MGMT: variants seen among roughly 807,000 people sequenced by gnomAD.
The protein encoded by MGMT is methylated-DNA--protein-cysteine methyltransferase.
In MGMT, 14 loss-of-function variants were observed where a neutral mutation model predicts 15.9. The ratio of observed to expected loss-of-function variants is 0.88; its 90% CI spans 0.58 to 1.37. MGMT has a LOEUF of 1.37. Ranked by LOEUF, MGMT falls within the 40% of genes most tolerant of loss-of-function variation. The pLI is 0.00. For missense variants in MGMT, 282 were observed against 268.1 expected (o/e 1.05, Z -0.36); for synonymous variants, 130 against 118.2 (o/e 1.10, Z -0.65).
intron 2 of MGMT, among the ~76,000 whole-genome samples, chr10:129,646,916 C>T (rs1168958825): frequency 3.3e-5 from 5 of 151,048 alleles, no homozygotes; most frequent in East Asian, 2.0e-4. Flanking sequence ...TGGGCATGGC[C>T]GCCCCTCCGT....
intron 1 of MGMT, among the ~76,000 whole-genome samples, chr10:129,511,473 G>C (rs1845683071): frequency 6.7e-6 from 1 of 149,996 alleles, no homozygotes; most frequent in African/African-American, 2.5e-5. Flanking sequence ...CCGTATACCA[G>C]ACGCAGCCAC....
intron 2 of MGMT, among the ~76,000 whole-genome samples, chr10:129,607,837 C>A (rs1340535246): frequency 6.6e-6 from 1 of 152,162 alleles, no homozygotes; most frequent in African/African-American, 2.4e-5. Flanking sequence ...GATGACAGGA[C>A]AATTCCATTT....
At chr10:129,712,798 A>G (rs1301917219) in intron 3 of MGMT, among the ~76,000 whole-genome samples, 1 of 152,124 alleles carries the variant, frequency 6.6e-6, no homozygotes, top group Non-Finnish European at 1.5e-5. Flanking sequence ...TGAAGAGCCA[A>G]GCAAAGGCTC....
chr10:129,700,274 T>C (rs1248094396), intron 2 of MGMT: 1 of 152,234 alleles, frequency 6.6e-6, no homozygotes, highest in African/African-American at 2.4e-5. Context: ...CCATGTTTCC[T>C]ATTACTAACA....
At chr10:129,616,298 G>C (rs991343310) in intron 2 of MGMT, among the ~76,000 whole-genome samples, 2 of 152,220 alleles carry the variant, frequency 1.3e-5, no homozygotes, top group African/African-American at 4.8e-5. Flanking sequence ...GATGCTCATC[G>C]TGAAGATGCA....
At chr10:129,473,019 G>A (rs1360656844) in intron 1 of MGMT, among the ~76,000 whole-genome samples, 1 of 152,190 alleles carries the variant, frequency 6.6e-6, no homozygotes, top group Non-Finnish European at 1.5e-5. Context: ...GGGCAGGTGG[G>A]CTTCATGTGT....
intron 1 of MGMT, among the ~76,000 whole-genome samples, chr10:129,535,901 A>C (rs560049848): frequency 6.6e-6 from 1 of 152,336 alleles, no homozygotes; most frequent in South Asian, 2.1e-4. Context: ...TTTTAGTAAA[A>C]CAAAGTTAGC....
chr10:129,475,399 G>A (rs995977582), intron 1 of MGMT, among the ~76,000 whole-genome samples: 2 of 152,208 alleles, frequency 1.3e-5, no homozygotes, highest in African/African-American at 2.4e-5. Flanking sequence ...GTGCATGAGA[G>A]GCGTGAGGCA....
chr10:129,724,550 C>T (rs192029970), intron 3 of MGMT, among the ~76,000 whole-genome samples: 3 of 152,032 alleles, frequency 2.0e-5, no homozygotes, highest in Admixed American at 2.0e-4. Flanking sequence ...GTAAATTCCA[C>T]CTTAAAGGAA....
rs950182246 is a variant in MGMT, at chr10:129,561,543, C to T, written c.125+25166C>T. On this transcript the variant is annotated intron_variant, in intron 2 of 4. Coordinates refer to ENST00000651593, the MANE Select transcript of MGMT (RefSeq NM_002412.5). ...CAAATGTTACACCTTCCCATTCTAA[C>T]GATTTTGTCAATTTCGGTGTCAAGG... is the stretch of plus-strand genomic sequence containing the variant. 3.3e-5 allele frequency among the ~76,000 whole-genome samples: 5 copies of T among 152,158 alleles called. 1 individual carries two copies. The highest frequency in any genetic ancestry group is 3.3e-4 in the Admixed American group (5 of 15,284).
At chr10:129,619,434 A>G (rs57042788) in intron 2 of MGMT, among the ~76,000 whole-genome samples, 1,668 of 152,284 alleles carry the variant, frequency 0.011, 32 homozygotes, top group African/African-American at 0.037. Flanking sequence ...ATATTTTACG[A>G]ATTACGGGAT....
At chr10:129,474,435 T>C (rs912611829) in intron 1 of MGMT, among the ~76,000 whole-genome samples, 2 of 152,062 alleles carry the variant, frequency 1.3e-5, no homozygotes, top group African/African-American at 4.8e-5. Flanking sequence ...GGGACTAAGT[T>C]TAGAATCGCT....
At chr10:129,496,529 G>A (rs149578250) in intron 1 of MGMT, among the ~76,000 whole-genome samples, 1 of 152,192 alleles carries the variant, frequency 6.6e-6, no homozygotes, top group East Asian at 1.9e-4. Context: ...TAAAATACTG[G>A]CAGCCGTCTC....
chr10:129,722,503 A>G (rs1480103906), intron 3 of MGMT, among the ~76,000 whole-genome samples: 3 of 152,238 alleles, frequency 2.0e-5, no homozygotes, highest in African/African-American at 4.8e-5. Flanking sequence ...TCAAAATGCA[A>G]AGAGCCTAGA....
intron 2 of MGMT, among the ~76,000 whole-genome samples, chr10:129,599,360 A>G (rs941104529): frequency 3.9e-5 from 6 of 152,358 alleles, no homozygotes; most frequent in East Asian, 1.9e-4. Flanking sequence ...GCTTGATTCA[A>G]CAGGTTGCTC....
At chr10:129,540,720 C>G (rs1451082825) in intron 2 of MGMT, among the ~76,000 whole-genome samples, 4 of 152,176 alleles carry the variant, frequency 2.6e-5, no homozygotes, top group African/African-American at 9.7e-5. Flanking sequence ...GAAGCATTCC[C>G]TCTTCTATTT....
intron 1 of MGMT, among the ~76,000 whole-genome samples, chr10:129,486,202 G>A (rs1434230867): frequency 6.7e-6 from 1 of 148,532 alleles, no homozygotes; most frequent in Admixed American, 6.7e-5. Flanking sequence ...TTTTTGGTGG[G>A]GGGTAGACAG....
intron 1 of MGMT, among the ~76,000 whole-genome samples, chr10:129,490,516 T>A (rs868614612): frequency 6.6e-6 from 1 of 152,172 alleles, no homozygotes; most frequent in African/African-American, 2.4e-5. Flanking sequence ...AAGATTATTC[T>A]TTTTTAAAAA....
At chr10:129,704,179 A>C (rs1848131829) in intron 2 of MGMT, among the ~76,000 whole-genome samples, 1 of 152,074 alleles carries the variant, frequency 6.6e-6, no homozygotes, top group Non-Finnish European at 1.5e-5. Flanking sequence ...CTGAAATTGA[A>C]TAATATTTAA....
Sources: gnomAD v4.1 joint callset for allele counts (sites outside exome capture counted in the v4.1 genomes callset) on GRCh38, gnomAD v4.1.1 for gene constraint, MANE v1.5 for transcripts, NCBI Gene and HGNC (gene_info 2026-07-23, HGNC 2026-07-21) for gene names.